TBL1X: variants seen among roughly 807,000 people sequenced by gnomAD.
TBL1X encodes transducin beta like 1 X-linked.
TBL1X carries 10 observed loss-of-function variants against 50.7 expected under a neutral mutation model. That is an observed-to-expected ratio of 0.20 (90% CI 0.12 to 0.33). The LOEUF (loss-of-function observed/expected upper bound fraction) is 0.33, where lower values mean the gene tolerates loss of function less well. Ranked by LOEUF, TBL1X falls within the 10% of genes least tolerant of loss-of-function variation. The pLI, the probability that TBL1X is intolerant of heterozygous loss-of-function variation, is 1.00. For missense variants in TBL1X, 340 were observed against 504.4 expected (o/e 0.67, Z 3.12); for synonymous variants, 190 against 214.7 (o/e 0.88, Z 1.01).
At chrX:9,495,659 A>G (rs374347825) in intron 1 of TBL1X, among the ~76,000 whole-genome samples, 1 of 111,397 alleles carries the variant, frequency 9.0e-6, no homozygotes, top group Non-Finnish European at 1.9e-5. Flanking sequence ...ACTCACGCCA[A>G]CAGCACTGTG....
intron 2 of TBL1X, among the ~76,000 whole-genome samples, chrX:9,604,414 T>G (rs2082572496): frequency 9.0e-6 from 1 of 111,175 alleles, no homozygotes; most frequent in South Asian, 3.8e-4. Flanking sequence ...CCCCCTTTTT[T>G]TTTTGCCAGT....
At chrX:9,612,699 A>G (rs1444692996) in intron 2 of TBL1X, among the ~76,000 whole-genome samples, 1 of 111,135 alleles carries the variant, frequency 9.0e-6, no homozygotes, top group Non-Finnish European at 1.9e-5. Flanking sequence ...CCAAGTTCCA[A>G]TGTCTGTCTG....
intron 2 of TBL1X, among the ~76,000 whole-genome samples, chrX:9,517,260 T>A (rs1299730342): frequency 1.8e-5 from 2 of 111,037 alleles, no homozygotes; most frequent in Non-Finnish European, 3.8e-5. Context: ...CCGAGTAGCC[T>A]GCCCTGCCTT....
chrX:9,684,125 C>T lies in TBL1X; in HGVS notation c.294C>T (p.Ala98=), dbSNP rs139730741. 3.1e-5 allele frequency: 37 copies of T among 1,209,901 alleles called. No homozygotes were observed. In the African/African-American group the frequency reaches 5.6e-4, roughly 18 times the overall value. ...TCAATGGGACGCTAGTGCCACCGGC[C>T]GCCCTCATCTCCATTCTCCAGAAGG... ...SNINGTLVPP[A]ALISILQKGL... The change falls in exon 6 of 18, where the codon GCC becomes GCT. Residue 98 remains alanine, a synonymous_variant. Transcript: ENST00000645353.
chrX:9,583,043 T>A (rs2082450506), intron 2 of TBL1X, among the ~76,000 whole-genome samples: 1 of 112,798 alleles, frequency 8.9e-6, no homozygotes, highest in Admixed American at 9.4e-5. Context: ...CTGTAATTGT[T>A]TCCTGTTTGC....
At chrX:9,668,412 T>G (rs1229441023) in intron 5 of TBL1X, among the ~76,000 whole-genome samples, 1 of 111,111 alleles carries the variant, frequency 9.0e-6, no homozygotes, top group Non-Finnish European at 1.9e-5. Context: ...CGTGGAGAGC[T>G]GATGTGTTAA....
At chrX:9,696,884 T>A (rs2146642985) in intron 11 of TBL1X, among the ~76,000 whole-genome samples, 1 of 112,411 alleles carries the variant, frequency 8.9e-6, no homozygotes, top group African/African-American at 3.2e-5. Flanking sequence ...ATGCTGAGCA[T>A]GTGGGAGTTA....
rs144369998 is a variant in TBL1X, at chrX:9,707,288, C to A, written c.1237-1960C>A. Among the ~76,000 whole-genome samples, 710 of 111,849 alleles carry A rather than the reference C, an allele frequency of 6.3e-3. 6 individuals are homozygous for A. Among genetic ancestry groups the A allele is most frequent in the African/African-American group, 0.022 (673 of 30,757 alleles). On this transcript the variant is annotated intron_variant, in intron 13 of 17. Coordinates refer to ENST00000645353, the MANE Select transcript of TBL1X (RefSeq NM_005647.4). ...AAGGAAGGCGCTTTTAGAGCACAGG[C>A]ACCTATCGTCCTGTTAACATCTGTT...
At chrX:9,472,165 C>G (rs1403318955) in intron 1 of TBL1X, among the ~76,000 whole-genome samples, 1 of 112,357 alleles carries the variant, frequency 8.9e-6, no homozygotes, top group African/African-American at 3.2e-5. Context: ...CAGTATTGTT[C>G]AGTGCTGCGA....
chrX:9,619,408 C>G (rs1001009032), intron 2 of TBL1X, among the ~76,000 whole-genome samples: 1 of 111,890 alleles, frequency 8.9e-6, no homozygotes, highest in Non-Finnish European at 1.9e-5. Context: ...ACTGTCCACA[C>G]CCGCGGTGCA....
At chrX:9,493,536 C>T (rs1285890195) in intron 1 of TBL1X, among the ~76,000 whole-genome samples, 2 of 111,137 alleles carry the variant, frequency 1.8e-5, no homozygotes, top group African/African-American at 3.3e-5. Flanking sequence ...CTGAGGCGGG[C>T]GGATTGCTTG....
intron 2 of TBL1X, among the ~76,000 whole-genome samples, chrX:9,612,484 T>C (rs1234267220): frequency 1.8e-5 from 2 of 112,387 alleles, no homozygotes; most frequent in African/African-American, 6.5e-5. Context: ...TCTTTTTTAC[T>C]GTGTATTAAA....
chrX:9,560,014 A>C (rs192853478), intron 2 of TBL1X, among the ~76,000 whole-genome samples: 1 of 111,727 alleles, frequency 9.0e-6, no homozygotes, highest in Non-Finnish European at 1.9e-5. Context: ...CGTGTTTTAC[A>C]TATAATATCT....
At chrX:9,704,563 G>A (rs2083195369) in intron 12 of TBL1X, among the ~76,000 whole-genome samples, 1 of 111,614 alleles carries the variant, frequency 9.0e-6, no homozygotes, top group African/African-American at 3.3e-5. Flanking sequence ...CTGTGTTCAC[G>A]CTTGAGACGT....
intron 12 of TBL1X, 28 bp from the exon 13 acceptor site, chrX:9,704,965 C>T: frequency 8.3e-7 from 1 of 1,210,658 alleles, no homozygotes; most frequent in Non-Finnish European, 1.1e-6. Flanking sequence ...CAGTGAGTAA[C>T]TCCAGATGTC....
intron 5 of TBL1X, among the ~76,000 whole-genome samples, chrX:9,659,598 G>A (rs139983859): frequency 1.5e-4 from 17 of 112,266 alleles, no homozygotes; most frequent in African/African-American, 2.3e-4. Flanking sequence ...TTGTATGAAC[G>A]CAGGTTTTCA....
intron 3 of TBL1X, among the ~76,000 whole-genome samples, chrX:9,652,110 G>A (rs1871932244): frequency 8.9e-6 from 1 of 112,256 alleles, no homozygotes; most frequent in South Asian, 3.7e-4. Flanking sequence ...CAGGTTGTTG[G>A]TAGAATTCAG....
intron 2 of TBL1X, among the ~76,000 whole-genome samples, chrX:9,521,159 T>G (rs2146965984): frequency 9.1e-6 from 1 of 110,469 alleles, no homozygotes; most frequent in East Asian, 2.9e-4. Context: ...GGGACGTATT[T>G]TTTGCAGGAG....
intron 13 of TBL1X, among the ~76,000 whole-genome samples, chrX:9,707,284 C>T (rs551038040): frequency 7.2e-5 from 8 of 111,633 alleles, no homozygotes; most frequent in African/African-American, 2.6e-4. Flanking sequence ...TTTTAGAGCA[C>T]AGGCACCTAT....
Sources: gnomAD v4.1 joint callset for allele counts (sites outside exome capture counted in the v4.1 genomes callset) on GRCh38, gnomAD v4.1.1 for gene constraint, MANE v1.5 for transcripts, NCBI Gene and HGNC (gene_info 2026-07-23, HGNC 2026-07-21) for gene names.